The following PYGB variants were observed in gnomAD, a reference collection of about 807,000 sequenced individuals.
PYGB encodes the protein glycogen phosphorylase, brain form.
Under a neutral mutation model 94.3 loss-of-function variants are expected in PYGB, and 82 were observed. The ratio of observed to expected loss-of-function variants is 0.87; its 90% CI spans 0.73 to 1.04. The LOEUF (loss-of-function observed/expected upper bound fraction) is 1.04, where lower values mean the gene tolerates loss of function less well. Ranked by LOEUF, PYGB falls within the 50% of genes least tolerant of loss-of-function variation. The probability of loss-of-function intolerance (pLI) is 0.00; values close to 1 mark genes in which losing one functional copy is unlikely to be tolerated. For synonymous variants in PYGB, 488 were observed against 479.1 expected, an observed-to-expected ratio of 1.02 and a Z score of -0.24; for missense variants, 1,132 against 1,158.2, an observed-to-expected ratio of 0.98 and a Z score of 0.33.
rs1302835463 is a variant in PYGB, at chr20:25,296,433, G to T, written c.2443G>T (p.Asp815Tyr). 6.2e-7 allele frequency: 1 copy of T among 1,614,060 alleles called. No homozygotes were observed. Among genetic ancestry groups the T allele is most frequent in the Admixed American group, 1.7e-5 (1 of 60,024 alleles). The change falls in exon 20 of 20, where the codon GAC becomes TAC. Residue 815 changes from aspartate (D) to tyrosine (Y), a missense_variant. Physicochemically the swap from Asp to Tyr is radical, Grantham distance 160. Coordinates refer to ENST00000216962, the MANE Select transcript of PYGB (RefSeq NM_002862.4). ...NIACSGKFSS[D>Y]RTITEYAREI... is the part of the protein sequence containing the mutation. ...CGCCTGCTCGGGCAAGTTCTCCAGT[G>T]ACCGGACCATCACGGAGTATGCACG...
intron 12 of PYGB, among the ~76,000 whole-genome samples, chr20:25,282,804 T>C (rs2088380542): frequency 6.6e-6 from 1 of 152,106 alleles, no homozygotes; most frequent in Non-Finnish European, 1.5e-5. Flanking sequence ...GTGCTGGCTT[T>C]GAGGGGACCG....
chr20:25,295,350 A>G (rs1336090459), intron 18 of PYGB, among the ~76,000 whole-genome samples: 1 of 152,368 alleles, frequency 6.6e-6, no homozygotes, highest in Non-Finnish European at 1.5e-5. Context: ...ATGCCAGTTT[A>G]TTTAAAGGAG....
At position 25,280,309 on chromosome 20, in the gene PYGB, CTG is replaced by C. The variant is rs1568693333; in HGVS notation, c.1139_1140del (p.Val380AlafsTer3). 4 of 1,614,134 alleles carry C rather than the reference CTG, an allele frequency of 2.5e-6. No individual in the cohort carries two copies. The highest frequency in any genetic ancestry group is 1.3e-5 in the African/African-American group (1 of 75,076). The stretch of plus-strand genomic sequence containing the variant: ...AAGACCTGTGCATACACCAACCACA[CTG>C]TGCTGCCTGAGGCCTTGGAGCGCTG... On this transcript the variant is annotated frameshift_variant, in exon 10 of 20. Transcript: ENST00000216962. LOFTEE classifies it high-confidence loss of function.
At chr20:25,274,468 G>T in intron 4 of PYGB, 124 bp from the exon 5 acceptor site, 2 of 1,328,590 alleles carry the variant, frequency 1.5e-6, no homozygotes, top group Admixed American at 2.8e-5. Context: ...CTGGTAAGTG[G>T]CTGTAGGTAA....
chr20:25,258,482 T>A (rs1037532710), intron 1 of PYGB, among the ~76,000 whole-genome samples: 1 of 152,352 alleles, frequency 6.6e-6, no homozygotes, highest in African/African-American at 2.4e-5. Flanking sequence ...TGTGCACATA[T>A]CCTGTTAGTC....
intron 15 of PYGB, among the ~76,000 whole-genome samples, chr20:25,290,173 C>T (rs1341333368): frequency 6.6e-6 from 1 of 152,234 alleles, no homozygotes; most frequent in African/African-American, 2.4e-5. Context: ...TCTCTGTTTC[C>T]TGTCAGTCGG....
intron 18 of PYGB, chr20:25,295,079 A>G: frequency 6.3e-7 from 1 of 1,577,136 alleles, no homozygotes; most frequent in Non-Finnish European, 8.7e-7. Context: ...CATTTCGTGA[A>G]GTGTGCTTCT....
chr20:25,276,773 C>T lies in PYGB; in HGVS notation c.772+16C>T. On this transcript the variant is annotated intron_variant, in intron 6 of 19. Coordinates refer to ENST00000216962, the MANE Select transcript of PYGB (RefSeq NM_002862.4). Reference sequence around the variant, plus strand: ...CTGCAGGACTGTACGTTCCGTGGTTCTTGGCACCCTTGTGTCCATGTGGGT... The same window carrying T: ...CTGCAGGACTGTACGTTCCGTGGTTTTTGGCACCCTTGTGTCCATGTGGGT... 1 of 1,605,576 alleles carries T rather than the reference C, an allele frequency of 6.2e-7. No homozygotes were observed. Among genetic ancestry groups the T allele is most frequent in the Non-Finnish European group, 8.5e-7 (1 of 1,172,984 alleles).
At chr20:25,286,707 G>A (rs2088421091) in intron 14 of PYGB, among the ~76,000 whole-genome samples, 1 of 152,188 alleles carries the variant, frequency 6.6e-6, no homozygotes, top group Admixed American at 6.5e-5. Flanking sequence ...GCCAGGACCT[G>A]CCTTGTGAGG....
intron 1 of PYGB, among the ~76,000 whole-genome samples, chr20:25,254,603 G>A (rs933883850): frequency 3.3e-5 from 5 of 152,192 alleles, no homozygotes; most frequent in African/African-American, 1.2e-4. Context: ...TTAGGTATAG[G>A]TAAGTGGCAT....
At chr20:25,251,472 A>G (rs1426553026) in intron 1 of PYGB, among the ~76,000 whole-genome samples, 1 of 152,182 alleles carries the variant, frequency 6.6e-6, no homozygotes. Context: ...TTTCATATTG[A>G]ATTGACATTC....
chr20:25,265,996 CTT>C (rs1249855211), intron 2 of PYGB, among the ~76,000 whole-genome samples: 1 of 151,976 alleles, frequency 6.6e-6, no homozygotes, highest in African/African-American at 2.4e-5. Context: ...TATGGCTTGT[CTT>C]TTTACTGTGT....
chr20:25,292,659 A>G (rs1187296100), intron 17 of PYGB, 46 bp downstream of exon 17: 1 of 1,586,878 alleles, frequency 6.3e-7, no homozygotes, highest in Non-Finnish European at 8.5e-7. Context: ...AGGATGGAGA[A>G]TGAAGGGTGT....
chr20:25,294,411 C>T, intron 18 of PYGB, 119 bp downstream of exon 18: 1 of 1,283,906 alleles, frequency 7.8e-7, no homozygotes, highest in Non-Finnish European at 1.1e-6. Flanking sequence ...AGGACGTCTT[C>T]TCCACTGTGC....
At position 25,257,502 on chromosome 20, in the gene PYGB, A is replaced by G. The variant is rs145209583; in HGVS notation, c.244-1735A>G. On this transcript the variant is annotated intron_variant, in intron 1 of 19. Transcript: ENST00000216962. ...AGAAAAGTTCTAAGTAGAAGTTAGG[A>G]ACTTTTGCAGAGAGAGCAAACTACA... Among the ~76,000 whole-genome samples the G allele has an allele frequency of 4.2e-3, 633 of 152,338 alleles. 2 individuals are homozygous for G. Among genetic ancestry groups the G allele is most frequent in the Non-Finnish European group, 6.7e-3 (457 of 68,032 alleles).
chr20:25,290,198 C>G (rs1202772831), intron 15 of PYGB, among the ~76,000 whole-genome samples: 1 of 152,250 alleles, frequency 6.6e-6, no homozygotes, highest in African/African-American at 2.4e-5. Flanking sequence ...TCTAGAAATC[C>G]TGGTCTCTTT....
Position 25,296,444 on chromosome 20 carries a change from C to CA in PYGB, c.2455dup (p.Thr819AsnfsTer42). 4 of 1,614,064 alleles carry CA rather than the reference C, an allele frequency of 2.5e-6. No homozygotes were observed. Among genetic ancestry groups the CA allele is most frequent in the Non-Finnish European group, 2.5e-6 (3 of 1,180,040 alleles). On this transcript the variant is annotated frameshift_variant, in exon 20 of 20. Coordinates refer to ENST00000216962, the MANE Select transcript of PYGB (RefSeq NM_002862.4). LOFTEE classifies it high-confidence loss of function. ...GCAAGTTCTCCAGTGACCGGACCAT[C>CA]ACGGAGTATGCACGGGAGATCTGGG...
In PYGB at chr20:25,288,449, CT is replaced by C; in HGVS notation, c.1797del (p.Phe599LeufsTer7). 1.9e-6 allele frequency: 3 copies of C among 1,614,138 alleles called. No individual in the cohort carries two copies. The highest frequency in any genetic ancestry group is 2.5e-6 in the Non-Finnish European group (3 of 1,180,024). ...YNRIKRDPAK[A>X]FVPRTVMIGG... ...GGAATCAAGAGAGACCCGGCCAAGG[CT>C]TTTGTGCCCAGGACTGTTATGATTG... On this transcript the variant is annotated frameshift_variant, in exon 15 of 20. Transcript: ENST00000216962. LOFTEE classifies it high-confidence loss of function.
intron 1 of PYGB, among the ~76,000 whole-genome samples, chr20:25,257,825 A>T (rs541670351): frequency 1.3e-5 from 2 of 152,208 alleles, no homozygotes; most frequent in African/African-American, 4.8e-5. Flanking sequence ...CGCACTGGTT[A>T]ATAAACCCTG....
Sources: allele counts gnomAD v4.1 joint callset (sites outside exome capture counted in the v4.1 genomes callset), GRCh38; gene constraint gnomAD v4.1.1; transcripts MANE v1.5; gene names NCBI Gene and HGNC (gene_info 2026-07-23, HGNC 2026-07-21).